Variants in SYT9 observed in about 807,000 individuals in gnomAD.
SYT9 encodes synaptotagmin 9, also known as synaptotagmin-9.
In SYT9, 22 loss-of-function variants were observed where a neutral mutation model predicts 48.4. The ratio of observed to expected loss-of-function variants is 0.45; its 90% confidence interval spans 0.32 to 0.65. The LOEUF (loss-of-function observed/expected upper bound fraction) is 0.65, where lower values mean the gene tolerates loss of function less well. SYT9 is among the 30% of genes least tolerant of loss of function. SYT9 has a pLI of 0.03. For synonymous variants in SYT9, 265 were observed against 245.0 expected (o/e 1.08, Z -0.76); for missense variants, 577 against 622.0 (o/e 0.93, Z 0.77).
chr11:7,356,862 T>A (rs1028743818), intron 3 of SYT9, among the ~76,000 whole-genome samples: 2 of 152,226 alleles, frequency 1.3e-5, no homozygotes, highest in Admixed American at 6.5e-5. Flanking sequence ...TGCCAGGCAC[T>A]GCACTGCTAT....
chr11:7,438,454 A>G (rs1444879519), intron 6 of SYT9: 2 of 152,234 alleles, frequency 1.3e-5, no homozygotes, highest in African/African-American at 4.8e-5. Flanking sequence ...CTCTTAGTAC[A>G]AGGGCAGAGG....
chr11:7,319,082 G>A (rs1849290803), intron 3 of SYT9, among the ~76,000 whole-genome samples: 1 of 151,348 alleles, frequency 6.6e-6, no homozygotes, highest in Non-Finnish European at 1.5e-5. Flanking sequence ...CTGGAAGAAT[G>A]CCCCTAGTTT....
rs185585243 is a variant in SYT9 at position 7,406,103 on chromosome 11, G to A, written c.1045-9939G>A. Among the ~76,000 whole-genome samples, 6 of 152,182 alleles carry A rather than the reference G, an allele frequency of 3.9e-5. No homozygotes were observed. In the East Asian group the frequency reaches 5.8e-4, roughly 15 times the overall value. On this transcript the variant is annotated intron_variant, in intron 3 of 6. Transcript: ENST00000318881. The stretch of plus-strand genomic sequence containing the variant: ...AATATTTATTACATGCATAGAATGT[G>A]TCTTCGTCAAGTCAGAGTTTTTGGA...
chr11:7,371,222 A>C (rs923224498), intron 3 of SYT9, among the ~76,000 whole-genome samples: 1 of 152,126 alleles, frequency 6.6e-6, no homozygotes, highest in Non-Finnish European at 1.5e-5. Flanking sequence ...CCTTTAAATC[A>C]ATTAGAAAAT....
intron 3 of SYT9, among the ~76,000 whole-genome samples, chr11:7,352,168 A>G (rs1334493799): frequency 6.6e-6 from 1 of 152,212 alleles, no homozygotes; most frequent in East Asian, 1.9e-4. Flanking sequence ...GTGTAGCTCA[A>G]TCTGCCTCAG....
intron 6 of SYT9, among the ~76,000 whole-genome samples, chr11:7,434,080 C>T (rs1457470472): frequency 6.6e-6 from 1 of 152,180 alleles, no homozygotes; most frequent in Non-Finnish European, 1.5e-5. Flanking sequence ...TCAATTCTGT[C>T]CCTAGTTCCT....
At chr11:7,429,682 C>T (rs947577134) in intron 6 of SYT9, among the ~76,000 whole-genome samples, 6 of 152,160 alleles carry the variant, frequency 3.9e-5, no homozygotes, top group African/African-American at 7.2e-5. Flanking sequence ...CCAAAGCTGT[C>T]GCGAGATCAG....
chr11:7,396,336 T>A (rs1318107100), intron 3 of SYT9, among the ~76,000 whole-genome samples: 1 of 152,150 alleles, frequency 6.6e-6, no homozygotes, highest in Non-Finnish European at 1.5e-5. Flanking sequence ...TGATGTATGA[T>A]GTGTATGATG....
intron 3 of SYT9, among the ~76,000 whole-genome samples, chr11:7,406,536 A>ATATG (rs1847016369): frequency 7.2e-4 from 1 of 1,386 alleles, no homozygotes; most frequent in Non-Finnish European, 1.8e-3. Flanking sequence ...TCAATTGCGC[A>ATATG]TATATATATA....
chr11:7,443,756 T>A (rs1847876339), intron 6 of SYT9, among the ~76,000 whole-genome samples: 2 of 152,238 alleles, frequency 1.3e-5, no homozygotes, highest in Admixed American at 1.3e-4. Context: ...AGGAGCCATA[T>A]CTGCTCTATT....
At chr11:7,407,352 A>C (rs1847036713) in intron 3 of SYT9, among the ~76,000 whole-genome samples, 1 of 145,454 alleles carries the variant, frequency 6.9e-6, no homozygotes, top group South Asian at 2.2e-4. Flanking sequence ...CTTATGTTTA[A>C]GTCTATAATT....
chr11:7,343,974 GC>G (rs1394047400), intron 3 of SYT9, among the ~76,000 whole-genome samples: 1 of 152,128 alleles, frequency 6.6e-6, no homozygotes, highest in Non-Finnish European at 1.5e-5. Context: ...AGAACAGTAT[GC>G]TGGAAACTGC....
At chr11:7,293,329 C>G (rs1197811399) in intron 1 of SYT9, among the ~76,000 whole-genome samples, 1 of 152,166 alleles carries the variant, frequency 6.6e-6, no homozygotes, top group African/African-American at 2.4e-5. Context: ...ATTCATTTTA[C>G]TAGCCCTCAA....
At chr11:7,314,967 T>C (rs984907088) in intron 3 of SYT9, among the ~76,000 whole-genome samples, 17 of 152,226 alleles carry the variant, frequency 1.1e-4, no homozygotes, top group African/African-American at 4.1e-4. Flanking sequence ...ACCAGTACCC[T>C]CTTATCCTCA....
At chr11:7,297,096 G>GAA (rs1482186393) in intron 1 of SYT9, among the ~76,000 whole-genome samples, 4 of 151,408 alleles carry the variant, frequency 2.6e-5, no homozygotes, top group Admixed American at 6.6e-5. Context: ...GAGAGAGAGA[G>GAA]AGAGACAGAG....
intron 2 of SYT9, among the ~76,000 whole-genome samples, chr11:7,304,059 A>G (rs1294411926): frequency 6.6e-6 from 1 of 152,274 alleles, no homozygotes; most frequent in East Asian, 1.9e-4. Flanking sequence ...CTCAAGTCAA[A>G]TGAATTGGCT....
At chr11:7,300,184 T>G (rs1552459) in intron 1 of SYT9, among the ~76,000 whole-genome samples, 149,284 of 151,960 alleles carry the variant, frequency 0.98, 73,386 homozygotes, top group Middle Eastern at 1. Flanking sequence ...AAATATTTAG[T>G]TTTTGCTAAT....
intron 6 of SYT9, among the ~76,000 whole-genome samples, chr11:7,459,141 G>A (rs1232683506): frequency 5.9e-5 from 9 of 152,382 alleles, no homozygotes; most frequent in Non-Finnish European, 1.2e-4. Context: ...AAGGTTGACC[G>A]TGGAAAGATA....
intron 3 of SYT9, among the ~76,000 whole-genome samples, chr11:7,317,426 G>C (rs1171126738): frequency 6.6e-6 from 1 of 152,150 alleles, no homozygotes; most frequent in East Asian, 1.9e-4. Flanking sequence ...CTCCATTCCT[G>C]GTGAGGCTCT....
Sources: gnomAD v4.1 joint callset for allele counts (sites outside exome capture counted in the v4.1 genomes callset) on GRCh38, gnomAD v4.1.1 for gene constraint, MANE v1.5 for transcripts, NCBI Gene and HGNC (gene_info 2026-07-23, HGNC 2026-07-21) for gene names.